HMGB1: variants seen among roughly 807,000 people sequenced by gnomAD.
HMGB1 encodes the protein high mobility group box 1.
For missense variants in HMGB1, 79 were observed against 253.5 expected, an observed-to-expected ratio of 0.31 and a Z score of 4.67; for synonymous variants, 81 against 84.0, an observed-to-expected ratio of 0.96 and a Z score of 0.19.
chr13:30,539,367 T>C (rs966100901), intron 1 of HMGB1, among the ~76,000 whole-genome samples: 4 of 152,216 alleles, frequency 2.6e-5, no homozygotes, highest in African/African-American at 9.6e-5. Flanking sequence ...ATTAGTCATG[T>C]TGTATTTGTA....
chr13:30,562,160 A>G (rs1255304464), intron 1 of HMGB1, among the ~76,000 whole-genome samples: 2 of 151,994 alleles, frequency 1.3e-5, no homozygotes, highest in African/African-American at 4.8e-5. Context: ...CACCTCTACT[A>G]AAAACAAAAG....
chr13:30,479,656 G>C lies in HMGB1; in HGVS notation c.-14-15962C>G, dbSNP rs561750055. The stretch of plus-strand genomic sequence containing the variant: ...AAAATCCTGGTCCTGGTGCTTACTA[G>C]CTGTGTCACCTTGGGCAAAGTGAAT... On this transcript the variant is annotated intron_variant, in intron 1 of 4. Transcript: ENST00000405805. 1.9e-3 allele frequency among the ~76,000 whole-genome samples: 288 copies of C among 152,292 alleles called. 3 individuals carry two copies. Among genetic ancestry groups the C allele is most frequent in the Admixed American group, 0.018 (269 of 15,288 alleles).
intron 1 of HMGB1, among the ~76,000 whole-genome samples, chr13:30,586,521 T>C (rs1871162192): frequency 7.2e-6 from 1 of 137,996 alleles, no homozygotes; most frequent in African/African-American, 2.6e-5. Flanking sequence ...GGAGTTTCGC[T>C]CTGTTGCCCA....
chr13:30,615,272 T>C (rs1954531455), intron 1 of HMGB1, among the ~76,000 whole-genome samples: 3 of 152,200 alleles, frequency 2.0e-5, no homozygotes, highest in Admixed American at 6.5e-5. Context: ...AATATACACA[T>C]GCATAGCACA....
chr13:30,568,948 G>A (rs139746305), intron 1 of HMGB1, among the ~76,000 whole-genome samples: 12 of 152,266 alleles, frequency 7.9e-5, no homozygotes, highest in East Asian at 5.8e-4. Context: ...AGGCTAAGGC[G>A]GGGAGATCAC....
In HMGB1 at chr13:30,592,007, C is replaced by A. The variant is rs531416965; in HGVS notation, c.-15+24664G>T. Among the ~76,000 whole-genome samples, 37 of 152,156 alleles carry A rather than the reference C, an allele frequency of 2.4e-4. No homozygotes were observed. The South Asian group carries it at 7.7e-3, about 32-fold the overall frequency. Reference sequence around the variant, plus strand: ...TGCATTTCAACTGCATGGGAGAAAGCAACTGTGTTCTTTCCTCTCAATTTT... The same window carrying A: ...TGCATTTCAACTGCATGGGAGAAAGAAACTGTGTTCTTTCCTCTCAATTTT... On this transcript the variant is annotated intron_variant, in intron 1 of 4. Transcript: ENST00000405805.
intron 1 of HMGB1, among the ~76,000 whole-genome samples, chr13:30,473,930 G>C (rs1211601120): frequency 2.6e-5 from 4 of 152,208 alleles, no homozygotes; most frequent in Non-Finnish European, 4.4e-5. Flanking sequence ...ATTATGCTAA[G>C]TGAAAGAGCC....
intron 1 of HMGB1, among the ~76,000 whole-genome samples, chr13:30,555,460 A>C (rs1190938085): frequency 6.6e-6 from 1 of 152,118 alleles, no homozygotes; most frequent in South Asian, 2.1e-4. Flanking sequence ...GGCAGCATTA[A>C]ATATTTTTGT....
chr13:30,463,504 T>C (rs536197626), intron 2 of HMGB1, 27 bp downstream of exon 2: 4 of 1,595,606 alleles, frequency 2.5e-6, no homozygotes, highest in African/African-American at 2.7e-5. Flanking sequence ...TTTAATTACC[T>C]TGTTAGCATG....
intron 4 of HMGB1, 169 bp from the exon 5 acceptor site, chr13:30,461,702 A>C: frequency 6.5e-7 from 1 of 1,533,450 alleles, no homozygotes; most frequent in Non-Finnish European, 9.0e-7. Flanking sequence ...CAATAAATGA[A>C]CATAAAAATA....
chr13:30,462,321 A>G (rs1203650372), intron 4 of HMGB1: 4 of 580,206 alleles, frequency 6.9e-6, no homozygotes, highest in Non-Finnish European at 1.3e-5. Context: ...AACAAAACCA[A>G]CATAAATGTA....
chr13:30,604,312 G>A (rs1308801142), intron 1 of HMGB1, among the ~76,000 whole-genome samples: 1 of 152,176 alleles, frequency 6.6e-6, no homozygotes, highest in Non-Finnish European at 1.5e-5. Flanking sequence ...GCTAGATGGA[G>A]AATAAGCTGC....
intron 1 of HMGB1, among the ~76,000 whole-genome samples, chr13:30,499,862 A>C (rs762404354): frequency 2.6e-5 from 4 of 152,240 alleles, no homozygotes; most frequent in Non-Finnish European, 4.4e-5. Flanking sequence ...GATTTGGTTA[A>C]AGTGAATCTG....
At chr13:30,547,453 G>C (rs1331374506) in intron 1 of HMGB1, among the ~76,000 whole-genome samples, 1 of 152,152 alleles carries the variant, frequency 6.6e-6, no homozygotes, top group Non-Finnish European at 1.5e-5. Flanking sequence ...CTTAAGCCGA[G>C]TCAAGAGCTG....
intron 1 of HMGB1, among the ~76,000 whole-genome samples, chr13:30,549,249 C>T (rs1869306967): frequency 6.6e-6 from 1 of 152,138 alleles, no homozygotes; most frequent in Admixed American, 6.6e-5. Context: ...AGCCACTGAA[C>T]TCCAGCCTAG....
At chr13:30,478,273 G>C (rs67735674) in intron 1 of HMGB1, among the ~76,000 whole-genome samples, 21,051 of 152,122 alleles carry the variant, frequency 0.14, 1,513 homozygotes, top group South Asian at 0.25. Context: ...GGAGTTCAAG[G>C]CTGCAGTGAG....
intron 1 of HMGB1, among the ~76,000 whole-genome samples, chr13:30,616,383 GTCTTACAA>G (rs1248661634): frequency 6.6e-6 from 1 of 152,204 alleles, no homozygotes; most frequent in East Asian, 1.9e-4. Flanking sequence ...TTGTTTTGCA[GTCTTACAA>G]TTTTAGCTAC....
At chr13:30,603,724 C>T (rs1164245294) in intron 1 of HMGB1, among the ~76,000 whole-genome samples, 1 of 152,168 alleles carries the variant, frequency 6.6e-6, no homozygotes. Flanking sequence ...CCACAAAGTC[C>T]TTTACATAAA....
chr13:30,461,310 G>A lies in HMGB1; in HGVS notation c.*47C>T, dbSNP rs200339288. The A allele has an allele frequency of 1.1e-5, 16 of 1,520,016 alleles. No individual in the cohort carries two copies. Among genetic ancestry groups the A allele is most frequent in the Non-Finnish European group, 1.4e-5 (16 of 1,141,776 alleles). The allele number at this position is 1,520,016 out of a possible 1,614,324, so 94.2% of individuals were successfully genotyped here. A position where few individuals can be genotyped will look rare whatever the true frequency, so the allele number is the denominator to read the frequency against. On this transcript the variant is annotated 3_prime_UTR_variant, in exon 5 of 5. Transcript: ENST00000341423. ...AAAGGAGTGAGTTGTGTACAGGGGG[G>A]TTAAATGCTTTATAGACAAGAAAAA...
Sources: allele counts gnomAD v4.1 joint callset (sites outside exome capture counted in the v4.1 genomes callset), GRCh38; gene constraint gnomAD v4.1.1; transcripts MANE v1.5; gene names NCBI Gene and HGNC (gene_info 2026-07-23, HGNC 2026-07-21).